Variants in SLAIN1 observed in about 807,000 individuals in gnomAD.
The protein encoded by SLAIN1 is SLAIN family member 1, also known as SLAIN motif-containing protein 1.
SLAIN1 carries 17 observed loss-of-function variants against 55.4 expected under a neutral mutation model. The observed-to-expected ratio is 0.31, with a 90% CI of 0.21 to 0.46. SLAIN1 has a LOEUF of 0.46. SLAIN1 is among the 20% of genes least tolerant of loss of function. The pLI is 1.00. For synonymous variants in SLAIN1, 348 were observed against 337.4 expected (o/e 1.03, Z -0.35); for missense variants, 682 against 785.1 (o/e 0.87, Z 1.57).
At chr13:77,718,738 C>G (rs1376149946) in intron 1 of SLAIN1, among the ~76,000 whole-genome samples, 5 of 152,080 alleles carry the variant, frequency 3.3e-5, no homozygotes, top group Non-Finnish European at 7.4e-5. Context: ...AATTCACCCT[C>G]CCCCCTTTTT....
At chr13:77,736,311 G>T (rs111636877) in intron 2 of SLAIN1, among the ~76,000 whole-genome samples, 3 of 152,086 alleles carry the variant, frequency 2.0e-5, no homozygotes, top group African/African-American at 7.2e-5. Context: ...TCTGTATTCT[G>T]TCTTTACCTC....
chr13:77,720,022 A>G (rs2091246744), intron 2 of SLAIN1, among the ~76,000 whole-genome samples: 1 of 152,104 alleles, frequency 6.6e-6, no homozygotes, highest in South Asian at 2.1e-4. Context: ...TTTCTAAGGC[A>G]GAAAACAGGA....
At chr13:77,744,173 T>TG in intron 2 of SLAIN1, 110 bp from the exon 3 acceptor site, 2 of 825,050 alleles carry the variant, frequency 2.4e-6, no homozygotes, top group Non-Finnish European at 4.2e-6. Context: ...TGGTGATTTT[T>TG]GTAACATGAA....
In SLAIN1 at chr13:77,698,791, T is replaced by G. The variant is rs1354826049; in HGVS notation, c.626+252T>G. 6.2e-6 allele frequency: 8 copies of G among 1,286,100 alleles called. No individual in the cohort carries two copies. Among genetic ancestry groups the G allele is most frequent in the Middle Eastern group, 5.6e-4 (2 of 3,540 alleles). The allele number at this position is 1,286,100 out of a possible 1,614,324, so 79.7% of individuals were successfully genotyped here. A position where few individuals can be genotyped will look rare whatever the true frequency, so the allele number is the denominator to read the frequency against. On this transcript the variant is annotated intron_variant, in intron 1 of 6. Transcript: ENST00000418532. This position sits in a 1 kb window ranked among gnomAD's most constrained non-coding sequence, Gnocchi z 4.1. ...GAACCGGCCCCCCCTTCCCCCCATC[T>G]GCCATGGGTTCTGCTATTTGCTGAT... is the stretch of plus-strand genomic sequence containing the variant.
chr13:77,733,760 T>C (rs1262769577), intron 2 of SLAIN1, among the ~76,000 whole-genome samples: 1 of 152,186 alleles, frequency 6.6e-6, no homozygotes, highest in Non-Finnish European at 1.5e-5. Flanking sequence ...GAACATCTGC[T>C]TCAAAGTAGT....
chr13:77,751,440 T>C (rs574946103), intron 4 of SLAIN1, among the ~76,000 whole-genome samples: 15 of 152,320 alleles, frequency 9.8e-5, no homozygotes, highest in African/African-American at 3.6e-4. Context: ...CCATAAATCT[T>C]GACTATAAAC....
intron 1 of SLAIN1, among the ~76,000 whole-genome samples, chr13:77,714,048 G>A (rs936831198): frequency 6.6e-6 from 1 of 152,144 alleles, no homozygotes; most frequent in Non-Finnish European, 1.5e-5. Flanking sequence ...GGGAGGGATA[G>A]CATTAGGAGA....
chr13:77,741,152 C>T, intron 2 of SLAIN1: 1 of 985,278 alleles, frequency 1.0e-6, no homozygotes, highest in Non-Finnish European at 1.2e-6. Context: ...TGAGAACACG[C>T]AGTTACTGTA....
chr13:77,755,419 A>G (rs1385172330), intron 5 of SLAIN1, among the ~76,000 whole-genome samples: 1 of 152,148 alleles, frequency 6.6e-6, no homozygotes, highest in Non-Finnish European at 1.5e-5. Context: ...ATTTTTGTTG[A>G]CTCCAACTCA....
chr13:77,744,473 T>G (rs1392571735), intron 3 of SLAIN1, 41 bp downstream of exon 3: 1 of 1,603,642 alleles, frequency 6.2e-7, no homozygotes, highest in Middle Eastern at 1.7e-4. Flanking sequence ...GGCTTCCACT[T>G]GGAATATACA....
At chr13:77,730,793 T>C (rs1364520676) in intron 2 of SLAIN1, among the ~76,000 whole-genome samples, 2 of 152,222 alleles carry the variant, frequency 1.3e-5, no homozygotes, top group African/African-American at 2.4e-5. Flanking sequence ...TGCATATGCA[T>C]GCTCAGTCTG....
At chr13:77,749,427 CT>C (rs1874058247) in intron 4 of SLAIN1, among the ~76,000 whole-genome samples, 1 of 152,080 alleles carries the variant, frequency 6.6e-6, no homozygotes, top group Admixed American at 6.6e-5. Flanking sequence ...TGATGTAGTC[CT>C]TATTATCATG....
chr13:77,715,989 T>C (rs1417158166), intron 1 of SLAIN1, among the ~76,000 whole-genome samples: 1 of 152,130 alleles, frequency 6.6e-6, no homozygotes, highest in East Asian at 1.9e-4. Context: ...TAAGAAGCAT[T>C]TGCCAACTCA....
At chr13:77,746,963 G>A in intron 4 of SLAIN1, 108 bp downstream of exon 4, 3 of 1,005,800 alleles carry the variant, frequency 3.0e-6, no homozygotes, top group Middle Eastern at 2.2e-4. Context: ...ATCTGTCTCT[G>A]TCTCCTAGGT....
intron 1 of SLAIN1, among the ~76,000 whole-genome samples, chr13:77,705,644 A>ATTT (rs58920069): frequency 3.3e-4 from 49 of 146,310 alleles, no homozygotes; most frequent in African/African-American, 1.2e-3. Flanking sequence ...AGAAATACAG[A>ATTT]TTTTTTTTTT....
At chr13:77,715,539 T>C (rs1417201826) in intron 1 of SLAIN1, among the ~76,000 whole-genome samples, 1 of 146,530 alleles carries the variant, frequency 6.8e-6, no homozygotes, top group Admixed American at 6.6e-5. Flanking sequence ...GTTTCACCAT[T>C]TTTCATTTTC....
intron 4 of SLAIN1, among the ~76,000 whole-genome samples, chr13:77,749,894 C>G (rs1013901671): frequency 6.6e-6 from 1 of 152,058 alleles, no homozygotes; most frequent in African/African-American, 2.4e-5. Flanking sequence ...TGACTTGTTG[C>G]TTAAATATGA....
intron 4 of SLAIN1, 85 bp downstream of exon 4, chr13:77,746,940 T>G (rs1308166761): frequency 8.1e-7 from 1 of 1,241,452 alleles, no homozygotes; most frequent in South Asian, 1.5e-5. Context: ...TTTGTTTTTG[T>G]TTTTGAGACA....
Position 77,698,192 on chromosome 13 carries a change from A to AG in SLAIN1, c.284dup (p.Leu96ProfsTer17). On this transcript the variant is annotated frameshift_variant, in exon 1 of 7. Coordinates refer to ENST00000418532, the MANE Select transcript of SLAIN1 (RefSeq NM_001242868.2). LOFTEE classifies it high-confidence loss of function. This position sits in a 1 kb window ranked among gnomAD's most constrained non-coding sequence, Gnocchi z 4.1. ...CCGCCACGGCCACCGCCGCGGCCTCAGGGGGCCTGGGGCTCGGGCTGGCGC... is the reference window on the plus strand; with the variant it reads ...CCGCCACGGCCACCGCCGCGGCCTCAGGGGGGCCTGGGGCTCGGGCTGGCGC... The AG allele has an allele frequency of 8.3e-7, 1 of 1,207,420 alleles. No individual in the cohort carries two copies. Among genetic ancestry groups the AG allele is most frequent in the Non-Finnish European group, 1.0e-6 (1 of 975,354 alleles). 74.8% of individuals were successfully genotyped at this position (1,207,420 alleles called of 1,614,324 possible).
Sources: allele counts gnomAD v4.1 joint callset (sites outside exome capture counted in the v4.1 genomes callset), GRCh38; gene constraint gnomAD v4.1.1; non-coding constraint Gnocchi (gnomAD v3.1); transcripts MANE v1.5; gene names NCBI Gene and HGNC (gene_info 2026-07-23, HGNC 2026-07-21).